MIER1: variants seen among roughly 807,000 people sequenced by gnomAD.
The protein encoded by MIER1 is MIER1 transcriptional regulator.
In MIER1, 40 loss-of-function variants were observed where a neutral mutation model predicts 75.7. The observed-to-expected ratio is 0.53, with a 90% CI of 0.41 to 0.69. The LOEUF is 0.69. MIER1 is among the 30% of genes least tolerant of loss of function. The pLI is 0.00. For missense variants in MIER1, 574 were observed against 680.2 expected (o/e 0.84, Z 1.74); for synonymous variants, 213 against 223.4 (o/e 0.95, Z 0.42).
Position 66,985,505 on chromosome 1 carries a change from A to G in MIER1, c.*605A>G, listed in dbSNP as rs1389510083. ...TGTATATGTAAAATTGTTGACATCA[A>G]TGATGTCTTTCCATATTCTTATCTG... On this transcript the variant is annotated 3_prime_UTR_variant, in exon 14 of 14. Transcript: ENST00000401041. 7.1e-6 allele frequency: 7 copies of G among 982,282 alleles called. No homozygotes were observed. Among genetic ancestry groups the G allele is most frequent in the Admixed American group, 1.2e-4 (2 of 16,260 alleles). The allele number at this position is 982,282 out of a possible 1,614,324, so 60.8% of individuals were successfully genotyped here. A position where few individuals can be genotyped will look rare whatever the true frequency, so the allele number is the denominator to read the frequency against.
At chr1:66,964,448 CTTTTTTTTT>C (rs71058483) in intron 8 of MIER1, among the ~76,000 whole-genome samples, 16 of 119,796 alleles carry the variant, frequency 1.3e-4, no homozygotes, top group Admixed American at 2.6e-4. Flanking sequence ...TGTATGTTTC[CTTTTTTTTT>C]TTTTTTTTTT....
At chr1:66,981,708 C>T in intron 12 of MIER1, 71 bp from the exon 13 acceptor site, 1 of 1,243,732 alleles carries the variant, frequency 8.0e-7, no homozygotes, top group Non-Finnish European at 1.1e-6. Flanking sequence ...AGAAAGCCTT[C>T]TGAATTTAAC....
intron 4 of MIER1, among the ~76,000 whole-genome samples, chr1:66,952,356 A>T (rs892497162): frequency 6.6e-6 from 1 of 152,210 alleles, no homozygotes; most frequent in African/African-American, 2.4e-5. Context: ...ATAGTATACT[A>T]CTTTTGGCCA....
intron 13 of MIER1, among the ~76,000 whole-genome samples, chr1:66,982,490 A>G (rs868857517): frequency 7.2e-5 from 11 of 152,240 alleles, no homozygotes; most frequent in African/African-American, 2.4e-4. Flanking sequence ...GTTTCCGTTT[A>G]AAATATACAG....
At position 66,926,127 on chromosome 1, in the gene MIER1, T is replaced by C; in HGVS notation, c.68-15T>C. On this transcript the variant is annotated splice_polypyrimidine_tract_variant and intron_variant, in intron 1 of 13. Coordinates refer to ENST00000401041, the MANE Select transcript of MIER1 (RefSeq NM_001077700.3). ...CTGTCTCCTTGCTACTGAGGCTCTC[T>C]TTCCTTTGATCCAGATGGTGTGGTC... The C allele has an allele frequency of 6.2e-7, 1 of 1,609,258 alleles. No individual in the cohort carries two copies. The highest frequency in any genetic ancestry group is 8.5e-7 in the Non-Finnish European group (1 of 1,175,640).
rs780875276 is a variant in MIER1 at position 66,946,269 on chromosome 1, A to C, written c.313A>C (p.Ser105Arg). Residue 105 changes from serine (S) to arginine (R), a missense_variant, in exon 4 of 14, where the codon AGC (serine) becomes CGC (arginine). By Grantham distance (110) the Ser-to-Arg change is moderately radical. Transcript: ENST00000401041. ...AATGATGGAAGGAGAAACAAACTTC[A>C]GCTCTGAAATAGAAGATCTTGCAAG... is the stretch of plus-strand genomic sequence containing the variant. ...EEMMEGETNF[S>R]SEIEDLAREG... 6.2e-7 allele frequency: 1 copy of C among 1,609,496 alleles called. No homozygotes were observed. Among genetic ancestry groups the C allele is most frequent in the South Asian group, 1.1e-5 (1 of 90,106 alleles).
chr1:66,928,774 T>A, intron 2 of MIER1: 1 of 592,588 alleles, frequency 1.7e-6, no homozygotes, highest in South Asian at 2.7e-5. Flanking sequence ...TTATATAAGT[T>A]TTCTAAAAAA....
At chr1:66,964,651 C>A (rs1241948041) in intron 8 of MIER1, among the ~76,000 whole-genome samples, 4 of 150,454 alleles carry the variant, frequency 2.7e-5, no homozygotes, top group African/African-American at 4.9e-5. Context: ...GAGGTTTCTC[C>A]ATGTCGGTCA....
At chr1:66,925,816 G>C (rs1352840711) in intron 1 of MIER1, among the ~76,000 whole-genome samples, 1 of 152,166 alleles carries the variant, frequency 6.6e-6, no homozygotes, top group African/African-American at 2.4e-5. Context: ...TCCAACGCTA[G>C]AATTCTGCAT....
At chr1:66,967,726 G>A (rs1662723631) in intron 8 of MIER1, among the ~76,000 whole-genome samples, 1 of 151,178 alleles carries the variant, frequency 6.6e-6, no homozygotes. Context: ...CACTTCTTCG[G>A]TTAATTTCTA....
chr1:66,954,443 T>G (rs1659667121), intron 4 of MIER1, among the ~76,000 whole-genome samples: 1 of 152,226 alleles, frequency 6.6e-6, no homozygotes, highest in South Asian at 2.1e-4. Context: ...AAATGATACT[T>G]TGTTTTTAGT....
chr1:66,958,854 G>A lies in MIER1; in HGVS notation c.505G>A (p.Glu169Lys). The A allele has an allele frequency of 1.2e-6, 2 of 1,602,078 alleles. No homozygotes were observed. The highest frequency in any genetic ancestry group is 1.7e-6 in the Non-Finnish European group (2 of 1,172,338). ...AATTTAATTTATTATTCCACAGGAG[G>A]AGAATATAAAGGATTCATCAGGTCA... ...NSGCSGENKE[E>K]NIKDSSGQED... The change falls in exon 6 of 14, where the codon GAG becomes AAG. Residue 169 changes from glutamate to lysine, a missense_variant. Coordinates refer to ENST00000401041, the MANE Select transcript of MIER1 (RefSeq NM_001077700.3).
intron 13 of MIER1, among the ~76,000 whole-genome samples, chr1:66,983,189 A>G (rs990482083): frequency 2.5e-4 from 38 of 152,170 alleles, no homozygotes; most frequent in Admixed American, 1.9e-3. Context: ...TTTCATCCCA[A>G]TGTTATATTA....
At chr1:66,930,294 G>C (rs1337985188) in intron 2 of MIER1, 3 of 1,556,646 alleles carry the variant, frequency 1.9e-6, no homozygotes, top group Non-Finnish European at 2.6e-6. Flanking sequence ...CGGCAGAGAC[G>C]GCAGCGGCCG....
chr1:66,939,755 T>C (rs1570155142), intron 2 of MIER1, among the ~76,000 whole-genome samples: 2 of 152,230 alleles, frequency 1.3e-5, no homozygotes, highest in South Asian at 4.1e-4. Context: ...GAAGCCCACA[T>C]GTACCTTTAA....
intron 7 of MIER1, 56 bp downstream of exon 7, chr1:66,959,799 C>T (rs1660890904): frequency 1.2e-6 from 1 of 831,362 alleles, no homozygotes. Flanking sequence ...TTTTAAAAAG[C>T]CTCGTGTAAT....
chr1:66,925,096 G>A lies in MIER1; in HGVS notation c.67+1G>A. On this transcript the variant is annotated splice_donor_variant, in intron 1 of 13. Transcript: ENST00000401041. LOFTEE classifies it high-confidence loss of function. ...GGCGGCGGCAGCAGCGGCAGCGGCTGTAAGTGCAGCCTCCACAAGCCATCT... is the reference window on the plus strand; with the variant it reads ...GGCGGCGGCAGCAGCGGCAGCGGCTATAAGTGCAGCCTCCACAAGCCATCT... 6.5e-7 allele frequency: 1 copy of A among 1,547,996 alleles called. No homozygotes were observed. The highest frequency in any genetic ancestry group is 2.4e-5 in the East Asian group (1 of 40,906).
At position 66,985,906 on chromosome 1, in the gene MIER1, T is replaced by C. The variant is rs1666721710; in HGVS notation, c.*1006T>C. On this transcript the variant is annotated 3_prime_UTR_variant, in exon 14 of 14. Transcript: ENST00000401041. ...AGCATGATGCTTAGATTGCAGTTTGTTTTGCATTTGCTATAATTTTCAAAA... is the reference window on the plus strand; with the variant it reads ...AGCATGATGCTTAGATTGCAGTTTGCTTTGCATTTGCTATAATTTTCAAAA... 6.1e-6 allele frequency: 6 copies of C among 979,328 alleles called. No homozygotes were observed. The highest frequency in any genetic ancestry group is 7.3e-6 in the Non-Finnish European group (6 of 824,666). 60.7% of individuals were successfully genotyped at this position (979,328 alleles called of 1,614,324 possible).
intron 13 of MIER1, among the ~76,000 whole-genome samples, chr1:66,983,880 C>T (rs1245111076): frequency 6.6e-6 from 1 of 152,162 alleles, no homozygotes; most frequent in Non-Finnish European, 1.5e-5. Flanking sequence ...TGCACGCCAC[C>T]ACTCCTGGCT....
Sources: allele counts gnomAD v4.1 joint callset (sites outside exome capture counted in the v4.1 genomes callset), GRCh38; gene constraint gnomAD v4.1.1; transcripts MANE v1.5; gene names NCBI Gene and HGNC (gene_info 2026-07-23, HGNC 2026-07-21).